Variants in XKR9 observed in about 807,000 individuals in gnomAD.
XKR9 encodes XK-related protein 9.
In XKR9, 32 loss-of-function variants were observed where a neutral mutation model predicts 32.0. The observed-to-expected ratio is 1.00, with a 90% CI of 0.76 to 1.34. The LOEUF (loss-of-function observed/expected upper bound fraction) is 1.34, where lower values mean the gene tolerates loss of function less well. Ranked by LOEUF, XKR9 falls within the 40% of genes most tolerant of loss-of-function variation. XKR9 has a pLI of 0.00. For synonymous variants in XKR9, 168 were observed against 143.4 expected (o/e 1.17, Z -1.22); for missense variants, 546 against 429.7 (o/e 1.27, Z -2.39).
intron 2 of XKR9, among the ~76,000 whole-genome samples, chr8:70,762,994 TCTAATAGC>T (rs1018963765): frequency 6.6e-6 from 1 of 152,198 alleles, no homozygotes; most frequent in Admixed American, 6.6e-5. Flanking sequence ...GGAAGGTTGA[TCTAATAGC>T]CTTGTGACCA....
At chr8:70,902,228 A>C in the XKR9 span, among the ~76,000 whole-genome samples, 4 of 152,184 alleles carry the variant, frequency 2.6e-5, no homozygotes, top group Admixed American at 2.6e-4. Flanking sequence ...CATTGAATCT[A>C]TAAATTATCT....
At chr8:70,744,025 A>G (rs1807023700) in intron 2 of XKR9, among the ~76,000 whole-genome samples, 1 of 152,080 alleles carries the variant, frequency 6.6e-6, no homozygotes, top group Non-Finnish European at 1.5e-5. Context: ...TAACATTTTC[A>G]GTAATCTTTC....
chr8:71,030,954 A>T, the XKR9 span, among the ~76,000 whole-genome samples: 1 of 152,330 alleles, frequency 6.6e-6, no homozygotes, highest in African/African-American at 2.4e-5. Flanking sequence ...TTTCTCTATA[A>T]AATGGCATTG....
intron 2 of XKR9, among the ~76,000 whole-genome samples, chr8:70,675,329 A>C (rs1818848643): frequency 6.6e-6 from 1 of 152,156 alleles, no homozygotes; most frequent in East Asian, 1.9e-4. Context: ...GGAGAGGCTG[A>C]GGCAGAAGAA....
At chr8:70,706,412 A>G (rs1238316475) in intron 3 of XKR9, among the ~76,000 whole-genome samples, 1 of 152,142 alleles carries the variant, frequency 6.6e-6, no homozygotes. Context: ...ATTACATTTA[A>G]GGAAGATTCA....
chr8:70,705,649 A>T (rs1308730725), intron 3 of XKR9, among the ~76,000 whole-genome samples: 1 of 152,110 alleles, frequency 6.6e-6, no homozygotes, highest in East Asian at 1.9e-4. Context: ...TGGGAAGTAG[A>T]CCATGGAGGG....
the XKR9 span, among the ~76,000 whole-genome samples, chr8:70,797,917 G>C: frequency 6.6e-6 from 1 of 152,154 alleles, no homozygotes; most frequent in Non-Finnish European, 1.5e-5. Context: ...GTATTCCATG[G>C]TGTGTATGTA....
At chr8:71,039,548 A>C in the XKR9 span, among the ~76,000 whole-genome samples, 16 of 152,360 alleles carry the variant, frequency 1.1e-4, no homozygotes, top group South Asian at 3.1e-3. Context: ...AAAATGGTAC[A>C]TAGAGGATTC....
chr8:70,906,718 G>A, the XKR9 span, among the ~76,000 whole-genome samples: 1 of 152,040 alleles, frequency 6.6e-6, no homozygotes, highest in Non-Finnish European at 1.5e-5. Context: ...CTGAAATACT[G>A]GCTTAAGAGA....
chr8:71,004,027 T>TTGCATAAGAAACCAGAC, the XKR9 span, among the ~76,000 whole-genome samples: 1,578 of 152,230 alleles, frequency 0.01, 9 homozygotes, highest in Non-Finnish European at 0.018. Flanking sequence ...CAGAACAAGA[T>TTGCATAAGAAACCAGAC]ATTGCAAAAG....
the XKR9 span, among the ~76,000 whole-genome samples, chr8:70,891,378 G>T: frequency 6.6e-6 from 1 of 151,722 alleles, no homozygotes; most frequent in East Asian, 1.9e-4. Flanking sequence ...GAGATGAATT[G>T]TTAGGTTGCT....
the XKR9 span, among the ~76,000 whole-genome samples, chr8:70,812,912 T>C: frequency 6.6e-6 from 1 of 152,196 alleles, no homozygotes; most frequent in Admixed American, 6.5e-5. Context: ...AAGATACCAA[T>C]GGCTTTCTTC....
chr8:70,760,981 G>C (rs933814672), intron 2 of XKR9, among the ~76,000 whole-genome samples: 1 of 152,120 alleles, frequency 6.6e-6, no homozygotes, highest in Non-Finnish European at 1.5e-5. Flanking sequence ...TTCTGTTGCT[G>C]TGTTACTTTG....
chr8:70,892,931 A>G, the XKR9 span, among the ~76,000 whole-genome samples: 2 of 151,996 alleles, frequency 1.3e-5, no homozygotes, highest in African/African-American at 4.8e-5. Context: ...TAGGATTTCT[A>G]TATATTTTTC....
chr8:71,015,490 A>G, the XKR9 span, among the ~76,000 whole-genome samples: 1 of 152,180 alleles, frequency 6.6e-6, no homozygotes, highest in African/African-American at 2.4e-5. Flanking sequence ...TAGTCCTCAG[A>G]AAATAGCTCT....
chr8:70,689,849 A>G (rs1195691332), intron 3 of XKR9, among the ~76,000 whole-genome samples: 1 of 152,208 alleles, frequency 6.6e-6, no homozygotes, highest in Non-Finnish European at 1.5e-5. Context: ...TTGTATCTGC[A>G]TGAAGAAACT....
At chr8:70,803,840 A>G in the XKR9 span, among the ~76,000 whole-genome samples, 2 of 152,218 alleles carry the variant, frequency 1.3e-5, no homozygotes, top group East Asian at 3.8e-4. Context: ...CTGGTGACCA[A>G]GTGCTTCCTG....
rs1435747625 is a variant in XKR9, at chr8:70,735,476, ATTATAC to A, written c.*1055_*1060del. Reference sequence around the variant, plus strand: ...TTAATTTTATATTATTATTATTATTATTATACTTTAAGGTTTAGGGTACATGTGCAC... The same window carrying A: ...TTAATTTTATATTATTATTATTATTATTTAAGGTTTAGGGTACATGTGCAC... On this transcript the variant is annotated 3_prime_UTR_variant, in exon 5 of 5. Coordinates refer to ENST00000408926, the MANE Select transcript of XKR9 (RefSeq NM_001011720.2). 6.6e-6 allele frequency: 1 copy of A among 150,458 alleles called. No homozygotes were observed. Among genetic ancestry groups the A allele is most frequent in the Non-Finnish European group, 1.5e-5 (1 of 67,632 alleles). 9.3% of individuals were successfully genotyped at this position (150,458 alleles called of 1,614,324 possible).
At chr8:71,013,848 A>G in the XKR9 span, among the ~76,000 whole-genome samples, 1 of 152,094 alleles carries the variant, frequency 6.6e-6, no homozygotes, top group Non-Finnish European at 1.5e-5. Context: ...CTCATGGTGA[A>G]AGAAAGACTT....
Sources: allele counts gnomAD v4.1 joint callset (sites outside exome capture counted in the v4.1 genomes callset), GRCh38; gene constraint gnomAD v4.1.1; transcripts MANE v1.5; gene names NCBI Gene and HGNC (gene_info 2026-07-23, HGNC 2026-07-21).